The following TMC8 variants were observed in gnomAD, a reference collection of about 807,000 sequenced individuals.
TMC8 encodes transmembrane channel like 8.
A neutral mutation model predicts 76.0 loss-of-function variants in TMC8; 71 were observed. The observed-to-expected ratio is 0.93, with a 90% CI of 0.77 to 1.14. The LOEUF (loss-of-function observed/expected upper bound fraction) is 1.14, where lower values mean the gene tolerates loss of function less well. Among genes scored for constraint, TMC8 ranks in the 50% most tolerant of loss-of-function variants. The probability of loss-of-function intolerance (pLI) is 0.00; values close to 1 mark genes in which losing one functional copy is unlikely to be tolerated. For missense variants in TMC8, 924 were observed against 947.9 expected, an observed-to-expected ratio of 0.97 and a Z score of 0.33; for synonymous variants, 433 against 433.8, an observed-to-expected ratio of 1.00 and a Z score of 0.02.
intron 4 of TMC8, 140 bp downstream of exon 4, chr17:78,132,648 C>T (rs1598901224): frequency 1.0e-5 from 15 of 1,491,820 alleles, no homozygotes; most frequent in Non-Finnish European, 1.3e-5. Context: ...CCTGACCTCG[C>T]CTTGTGTGGG....
At chr17:78,135,106 G>A in intron 9 of TMC8, 97 bp downstream of exon 9, 2 of 1,527,154 alleles carry the variant, frequency 1.3e-6, no homozygotes, top group South Asian at 1.1e-5. Flanking sequence ...GTCCCCAGCT[G>A]AGAGGCTTCC....
rs552487418 is a variant in TMC8, at chr17:78,131,840, G to T, written c.150-42G>T. ...CCGTCTGCTTGGCCCGGGTGGGCAGGGCGGGTGACTCAGGGGCGCCCCTGT... is the reference window on the plus strand; with the variant it reads ...CCGTCTGCTTGGCCCGGGTGGGCAGTGCGGGTGACTCAGGGGCGCCCCTGT... On this transcript the variant is annotated intron_variant, in intron 2 of 15. Coordinates refer to ENST00000318430, the MANE Select transcript of TMC8 (RefSeq NM_152468.5). The T allele has an allele frequency of 4.9e-3, 7,243 of 1,481,358 alleles. 22 individuals carry two copies. The highest frequency in any genetic ancestry group is 5.9e-3 in the Non-Finnish European group (6,565 of 1,118,976). 91.8% of individuals were successfully genotyped at this position (1,481,358 alleles called of 1,614,324 possible).
chr17:78,139,827 G>T (rs1232702124), intron 15 of TMC8, among the ~76,000 whole-genome samples: 1 of 151,744 alleles, frequency 6.6e-6, no homozygotes, highest in Non-Finnish European at 1.5e-5. Context: ...GAGGTCAGGG[G>T]TTCAAGACCA....
At position 78,138,377 on chromosome 17, in the gene TMC8, C is replaced by T; in HGVS notation, c.1562C>T (p.Ser521Phe). 1.9e-6 allele frequency: 3 copies of T among 1,611,610 alleles called. No individual in the cohort carries two copies. Among genetic ancestry groups the T allele is most frequent in the Non-Finnish European group, 2.5e-6 (3 of 1,180,000 alleles). The change falls in exon 13 of 16, where the codon TCT becomes TTT. Residue 521 changes from serine to phenylalanine, a missense_variant. By Grantham distance (155) the Ser-to-Phe change is radical (BLOSUM62 -2). Coordinates refer to ENST00000318430, the MANE Select transcript of TMC8 (RefSeq NM_152468.5). ...KYTLLKNSRA[S>F]SRPFRASSST... is the part of the protein sequence containing the mutation. ...ACCCTCCTGAAGAACTCCAGGGCAT[C>T]TTCGCGGCCCTTCCGTGCCTCCAGC...
At chr17:78,137,097 CA>C in intron 9 of TMC8, 137 bp from the exon 10 acceptor site, 1 of 1,371,036 alleles carries the variant, frequency 7.3e-7, no homozygotes, top group Non-Finnish European at 1.0e-6. Flanking sequence ...CACATTGCCA[CA>C]GACAGAGCAG....
chr17:78,141,228 G>T lies in TMC8; in HGVS notation c.*116G>T. ...AGTGGCTCCAGGGCCTCCCTCAGAG[G>T]TCCCCAAAGATGGACACACAACCCC... is the stretch of plus-strand genomic sequence containing the variant. On this transcript the variant is annotated 3_prime_UTR_variant, in exon 16 of 16. Transcript: ENST00000318430. 1 of 486,098 alleles carries T rather than the reference G, an allele frequency of 2.1e-6. No homozygotes were observed. The highest frequency in any genetic ancestry group is 3.5e-6 in the Non-Finnish European group (1 of 286,194). 30.1% of individuals were successfully genotyped at this position (486,098 alleles called of 1,614,324 possible).
intron 7 of TMC8, 118 bp downstream of exon 7, chr17:78,134,118 C>T (rs943665140): frequency 2.5e-5 from 37 of 1,472,432 alleles, no homozygotes; most frequent in Admixed American, 6.8e-5. Flanking sequence ...TGTGTGTGAG[C>T]GTGTGTGGGA....
intron 11 of TMC8, 42 bp from the exon 12 acceptor site, chr17:78,137,961 ATC>A: frequency 1.2e-6 from 2 of 1,611,586 alleles, no homozygotes; most frequent in Non-Finnish European, 1.7e-6. Flanking sequence ...CAGCCCACGC[ATC>A]TGTCTGGAGT....
Position 78,131,358 on chromosome 17 carries a change from A to C in TMC8, c.-231A>C. ...TGGGCCCGAATTCGACCGCAGCAGG[A>C]TTCTCTCTCATTTCTGAGCCCCGGA... On this transcript the variant is annotated 5_prime_UTR_variant, in exon 2 of 16. Transcript: ENST00000318430. The C allele has an allele frequency of 3.2e-6, 2 of 617,788 alleles. No homozygotes were observed. Among genetic ancestry groups the C allele is most frequent in the Non-Finnish European group, 2.8e-6 (1 of 353,918 alleles). 38.3% of individuals were successfully genotyped at this position (617,788 alleles called of 1,614,324 possible).
At chr17:78,139,728 T>TAAAA (rs34917993) in intron 15 of TMC8, among the ~76,000 whole-genome samples, 4 of 62,758 alleles carry the variant, frequency 6.4e-5, no homozygotes, top group East Asian at 4.2e-4. Context: ...CGTCTCTACT[T>TAAAA]AAAAAAAAAA....
rs374409348 is a variant in TMC8 at position 78,138,538 on chromosome 17, C to A, written c.1665-36C>A. ...GGCAGGGGCAGTTTCTCACCCAGGA[C>A]CCTGATGCCAGCCCCACTTGGCCAT... On this transcript the variant is annotated intron_variant, in intron 13 of 15. Transcript: ENST00000318430. 1.9e-6 allele frequency: 3 copies of A among 1,613,494 alleles called. No individual in the cohort carries two copies. The African/African-American group carries it at 4.0e-5, about 22-fold the overall frequency.
chr17:78,138,464 G>A lies in TMC8; in HGVS notation c.1649G>A (p.Gly550Asp), dbSNP rs1350592733. ...LGLLLAAVPL[G>D]YVVSSIHSSW... Reference sequence around the variant, plus strand: ...CTGCTTCTGGCTGCAGTGCCCCTGGGCTATGTGGTCAGCAGGTGAGGGGAA... The same window carrying A: ...CTGCTTCTGGCTGCAGTGCCCCTGGACTATGTGGTCAGCAGGTGAGGGGAA... The change falls in exon 13 of 16, where the codon GGC (glycine) becomes GAC (aspartate). Residue 550 changes from glycine (G) to aspartate (D), a missense_variant. Physicochemically the swap from Gly to Asp is moderately conservative, Grantham distance 94. Coordinates refer to ENST00000318430, the MANE Select transcript of TMC8 (RefSeq NM_152468.5). 3.1e-6 allele frequency: 5 copies of A among 1,613,168 alleles called. No homozygotes were observed. The highest frequency in any genetic ancestry group is 2.2e-5 in the East Asian group (1 of 44,882).
chr17:78,137,937 G>A, intron 11 of TMC8, 68 bp from the exon 12 acceptor site: 2 of 1,605,342 alleles, frequency 1.2e-6, no homozygotes, highest in Admixed American at 1.7e-5. Context: ...GGCAGGCTGT[G>A]GCCATGACCA....
At chr17:78,134,328 T>C in intron 7 of TMC8, 66 bp from the exon 8 acceptor site, 1 of 1,571,914 alleles carries the variant, frequency 6.4e-7, no homozygotes, top group Non-Finnish European at 8.7e-7. Context: ...TGAGAGCGTT[T>C]CCTGCACCCT....
chr17:78,138,373 G>A lies in TMC8; in HGVS notation c.1558G>A (p.Ala520Thr), dbSNP rs865835847. 9 of 1,611,226 alleles carry A rather than the reference G, an allele frequency of 5.6e-6. No individual in the cohort carries two copies. The Admixed American group carries it at 1.0e-4, about 18-fold the overall frequency. The change falls in exon 13 of 16, where the codon GCA becomes ACA. Residue 520 changes from alanine (A) to threonine (T), a missense_variant. Transcript: ENST00000318430. ...GTACACCCTCCTGAAGAACTCCAGGGCATCTTCGCGGCCCTTCCGTGCCTC... is the reference window on the plus strand; with the variant it reads ...GTACACCCTCCTGAAGAACTCCAGGACATCTTCGCGGCCCTTCCGTGCCTC... The part of the protein sequence containing the change: ...KKYTLLKNSR[A>T]SSRPFRASSS...
At position 78,138,583 on chromosome 17, in the gene TMC8, C is replaced by T. The variant is rs775312489; in HGVS notation, c.1674C>T (p.Ser558=). The T allele has an allele frequency of 5.6e-6, 9 of 1,613,936 alleles. No individual in the cohort carries two copies. The South Asian group carries it at 8.8e-5, about 16-fold the overall frequency. ...GGCCATCTCTCGCCAGCATCCACTC[C>T]TCCTGGGACTGCGGCCTCTTCACCA... is the stretch of plus-strand genomic sequence containing the variant. ...PLGYVVSSIH[S]SWDCGLFTNY... is the part of the protein sequence containing the mutation. The change falls in exon 14 of 16, where the codon TCC becomes TCT. Residue 558 remains serine, a synonymous_variant. Coordinates refer to ENST00000318430, the MANE Select transcript of TMC8 (RefSeq NM_152468.5).
In TMC8 at chr17:78,131,659, C is replaced by G; in HGVS notation, c.71C>G (p.Ala24Gly). 1 of 1,566,036 alleles carries G rather than the reference C, an allele frequency of 6.4e-7. No homozygotes were observed. Among genetic ancestry groups the G allele is most frequent in the Non-Finnish European group, 8.6e-7 (1 of 1,156,572 alleles). The change falls in exon 2 of 16, where the codon GCA becomes GGA. Residue 24 changes from alanine to glycine, a missense_variant. Transcript: ENST00000318430. ...CCGGAGCCGGAGGAGCTGTGGGAGG[C>G]AGAGATGGAGCGGCTGCGCGGCTCT... Reference protein sequence around the residue: ...GVPEPEELWEAEMERLRGSGT... With the variant: ...GVPEPEELWEGEMERLRGSGT...
intron 9 of TMC8, 43 bp from the exon 10 acceptor site, chr17:78,137,192 C>T (rs1458333880): frequency 6.2e-7 from 1 of 1,611,484 alleles, no homozygotes; most frequent in Non-Finnish European, 8.5e-7. Context: ...GCCCGGTGCC[C>T]ATGTGCCTGG....
chr17:78,133,993 A>C lies in TMC8; in HGVS notation c.809A>C (p.Glu270Ala), dbSNP rs1375993029. 1.9e-6 allele frequency: 3 copies of C among 1,613,754 alleles called. No individual in the cohort carries two copies. The East Asian group carries it at 6.7e-5, about 36-fold the overall frequency. Residue 270 changes from glutamate (E) to alanine (A), a missense_variant, in exon 7 of 16, where the codon GAG becomes GCG. Physicochemically the swap from Glu to Ala is moderately radical, Grantham distance 107 (BLOSUM62 -1). Transcript: ENST00000318430. ...ATCAAGAAGCATGAGATCAGCAACG[A>C]GTTCAAGGTGTGTGCACGAGTGAGT... ...ATIKKHEISN[E>A]FKVELEEGRR... is the part of the protein sequence containing the mutation.
Sources: gnomAD v4.1 joint callset for allele counts (sites outside exome capture counted in the v4.1 genomes callset) on GRCh38, gnomAD v4.1.1 for gene constraint, MANE v1.5 for transcripts, NCBI Gene and HGNC (gene_info 2026-07-23, HGNC 2026-07-21) for gene names.